THUMPD2: variants seen among roughly 807,000 people sequenced by gnomAD.
The protein encoded by THUMPD2 is U6 snRNA (guanine-N(2))-methyltransferase THUMPD2.
Under a neutral mutation model 49.4 loss-of-function variants are expected in THUMPD2, and 56 were observed. The ratio of observed to expected loss-of-function variants is 1.13; its 90% CI spans 0.91 to 1.41. The LOEUF is 1.41. Ranked by LOEUF, THUMPD2 falls within the 40% of genes most tolerant of loss-of-function variation. THUMPD2 has a pLI of 0.00. For synonymous variants in THUMPD2, 237 were observed against 205.2 expected (o/e 1.15, Z -1.32); for missense variants, 709 against 594.5 (o/e 1.19, Z -2.00).
At chr2:39,773,590 A>T (rs1334538521) in intron 1 of THUMPD2, among the ~76,000 whole-genome samples, 3 of 137,010 alleles carry the variant, frequency 2.2e-5, no homozygotes, top group Non-Finnish European at 4.6e-5. Flanking sequence ...AAAAATATAT[A>T]TATATTTATA....
chr2:39,745,829 A>C (rs1323277630), intron 8 of THUMPD2, among the ~76,000 whole-genome samples: 4 of 152,250 alleles, frequency 2.6e-5, no homozygotes, highest in Admixed American at 2.0e-4. Flanking sequence ...ATTTTTAAAA[A>C]AAATCTCCAG....
intron 4 of THUMPD2, among the ~76,000 whole-genome samples, chr2:39,767,497 G>C (rs1000981805): frequency 6.7e-6 from 1 of 148,584 alleles, no homozygotes; most frequent in African/African-American, 2.5e-5. Flanking sequence ...CCAGCTACTT[G>C]GGAGGCTGAG....
At chr2:39,739,417 T>C (rs1222076607) in intron 9 of THUMPD2, among the ~76,000 whole-genome samples, 3 of 152,198 alleles carry the variant, frequency 2.0e-5, no homozygotes, top group Non-Finnish European at 2.9e-5. Context: ...AATATCACTT[T>C]CCCAGAGAGG....
At position 39,770,426 on chromosome 2, in the gene THUMPD2, T is replaced by C. The variant is rs141082054; in HGVS notation, c.263-307A>G. ...TATATGTATCTCTTCAATATATACA[T>C]AGACCTAGAGTGTTTATCAATCTTT... is the stretch of plus-strand genomic sequence containing the variant. On this transcript the variant is annotated intron_variant, in intron 2 of 9. Coordinates refer to ENST00000505747, the MANE Select transcript of THUMPD2 (RefSeq NM_025264.5). Among the ~76,000 whole-genome samples, 1,082 of 152,234 alleles carry C rather than the reference T, an allele frequency of 7.1e-3. 13 individuals are homozygous for C. Among genetic ancestry groups the C allele is most frequent in the African/African-American group, 0.025 (1,050 of 41,546 alleles).
At chr2:39,766,964 T>C (rs765809963) in intron 4 of THUMPD2, among the ~76,000 whole-genome samples, 10 of 152,232 alleles carry the variant, frequency 6.6e-5, no homozygotes, top group Non-Finnish European at 1.5e-4. Context: ...TTGTTTTCTA[T>C]TGACAATTTA....
chr2:39,742,876 T>C (rs1488812361), intron 9 of THUMPD2, among the ~76,000 whole-genome samples: 1 of 152,182 alleles, frequency 6.6e-6, no homozygotes, highest in Non-Finnish European at 1.5e-5. Context: ...CCAAATCTGC[T>C]CAAGGTGAAT....
rs542552533 is a variant in THUMPD2, at chr2:39,769,225, A to T, written c.672+485T>A. ...TTAAGGAAATTTTTAGGCAGAAAGT[A>T]TAAGAAAGTCATTACTTGGAATGGC... On this transcript the variant is annotated intron_variant, in intron 3 of 9. Transcript: ENST00000505747. 8 of 483,176 alleles carry T rather than the reference A, an allele frequency of 1.7e-5. No individual in the cohort carries two copies. The Admixed American group carries it at 3.0e-4, about 18-fold the overall frequency. 29.9% of individuals were successfully genotyped at this position (483,176 alleles called of 1,614,324 possible).
intron 7 of THUMPD2, among the ~76,000 whole-genome samples, chr2:39,755,645 T>A (rs1390068478): frequency 6.6e-6 from 1 of 152,208 alleles, no homozygotes; most frequent in Non-Finnish European, 1.5e-5. Context: ...ATTTGAGGAT[T>A]AGTATAATCT....
intron 9 of THUMPD2, among the ~76,000 whole-genome samples, chr2:39,739,881 A>T (rs1205886567): frequency 6.6e-6 from 1 of 152,212 alleles, no homozygotes; most frequent in Non-Finnish European, 1.5e-5. Context: ...TTTTTGGGGC[A>T]ACAGTTTAGC....
chr2:39,753,828 T>A (rs1675745849), intron 8 of THUMPD2, among the ~76,000 whole-genome samples: 2 of 152,188 alleles, frequency 1.3e-5, no homozygotes, highest in South Asian at 4.1e-4. Flanking sequence ...CTTACCTGGA[T>A]TATAACTAGA....
At chr2:39,773,551 ATTT>A (rs1678621422) in intron 1 of THUMPD2, among the ~76,000 whole-genome samples, 3 of 127,996 alleles carry the variant, frequency 2.3e-5, no homozygotes, top group African/African-American at 9.2e-5. Context: ...ATATATTTAT[ATTT>A]AAAAATATAT....
Position 39,755,909 on chromosome 2 carries a change from C to T in THUMPD2, c.943G>A (p.Glu315Lys), listed in dbSNP as rs1005611109. Residue 315 changes from glutamate to lysine, a missense_variant, in exon 7 of 10, where the codon GAA becomes AAA. Transcript: ENST00000505747. ...PMCGLGTILL[E>K]AAKEWPDVYY... ...CTTACTGGCCATTCTTTAGCAGCTT[C>T]CAAAAGTATTGTTCCAAGTCCACAC... 1 of 1,613,692 alleles carries T rather than the reference C, an allele frequency of 6.2e-7. No homozygotes were observed. The highest frequency in any genetic ancestry group is 8.5e-7 in the Non-Finnish European group (1 of 1,179,872).
chr2:39,771,750 G>T, intron 1 of THUMPD2, 110 bp from the exon 2 acceptor site: 1 of 1,146,882 alleles, frequency 8.7e-7, no homozygotes, highest in Non-Finnish European at 1.2e-6. Context: ...CATTTCTGAA[G>T]TATCTACTAT....
chr2:39,757,421 C>G lies in THUMPD2; in HGVS notation c.892-1461G>C, dbSNP rs1451333538. ...AAGAGACAGAAGCCTTCCCCTGGTA[C>G]TAAATTTTAAAGAGAATATCACACA... is the stretch of plus-strand genomic sequence containing the variant. On this transcript the variant is annotated intron_variant, in intron 6 of 9. Coordinates refer to ENST00000505747, the MANE Select transcript of THUMPD2 (RefSeq NM_025264.5). 2.3e-6 allele frequency: 3 copies of G among 1,301,734 alleles called. No homozygotes were observed. In the East Asian group the frequency reaches 1.7e-4, roughly 72 times the overall value. The allele number at this position is 1,301,734 out of a possible 1,614,324, so 80.6% of individuals were successfully genotyped here.
chr2:39,736,889 G>A lies in THUMPD2; in HGVS notation c.1358C>T (p.Thr453Ile), dbSNP rs776838895. 4.6e-5 allele frequency: 75 copies of A among 1,614,198 alleles called. 1 individual carries two copies. The highest frequency in any genetic ancestry group is 4.0e-4 in the South Asian group (36 of 91,084). ...ACTGGCTTCGAATGAAGTTGACGCT[G>A]TCTTGAATGCACCAGTTTTTTCTTC... ...NPEEKTGAFK[T>I]ASTSFEASNH... Residue 453 changes from threonine (T) to isoleucine (I), a missense_variant, in exon 10 of 10, where the codon ACA becomes ATA. By Grantham distance (89) the Thr-to-Ile change is moderately conservative. Transcript: ENST00000505747.
At chr2:39,763,791 G>A (rs925201273) in intron 5 of THUMPD2, among the ~76,000 whole-genome samples, 2 of 151,984 alleles carry the variant, frequency 1.3e-5, no homozygotes, top group Non-Finnish European at 2.9e-5. Context: ...ATATTTACAA[G>A]GCACTTCATG....
Position 39,771,988 on chromosome 2 carries a change from C to T in THUMPD2, c.127-348G>A, listed in dbSNP as rs113399039. On this transcript the variant is annotated intron_variant, in intron 1 of 9. Coordinates refer to ENST00000505747, the MANE Select transcript of THUMPD2 (RefSeq NM_025264.5). The stretch of plus-strand genomic sequence containing the variant: ...ATAATAACAGACACACACTGACATA[C>T]ACATTAAAACATAAGATTTATAAGA... 7.9e-3 allele frequency among the ~76,000 whole-genome samples: 1,201 copies of T among 152,256 alleles called. 16 individuals carry two copies. Among genetic ancestry groups the T allele is most frequent in the African/African-American group, 0.028 (1,144 of 41,562 alleles).
In THUMPD2 at chr2:39,736,641, G is replaced by A; in HGVS notation, c.*94C>T. The A allele has an allele frequency of 1.7e-6, 2 of 1,175,822 alleles. No individual in the cohort carries two copies. Among genetic ancestry groups the A allele is most frequent in the Non-Finnish European group, 2.3e-6 (2 of 852,824 alleles). The allele number at this position is 1,175,822 out of a possible 1,614,324, so 72.8% of individuals were successfully genotyped here. ...CTTTGGGGGAATTTGGTTACTTGGA[G>A]CTCTGTGGGTGCTATATGAATCCTA... is the stretch of plus-strand genomic sequence containing the variant. On this transcript the variant is annotated 3_prime_UTR_variant, in exon 10 of 10. Coordinates refer to ENST00000505747, the MANE Select transcript of THUMPD2 (RefSeq NM_025264.5).
chr2:39,768,928 T>G, intron 3 of THUMPD2: 1 of 1,303,178 alleles, frequency 7.7e-7, no homozygotes, highest in Non-Finnish European at 1.0e-6. Context: ...ATTTTAAGGT[T>G]GATAAAGTAT....
Sources: gnomAD v4.1 joint callset for allele counts (sites outside exome capture counted in the v4.1 genomes callset) on GRCh38, gnomAD v4.1.1 for gene constraint, MANE v1.5 for transcripts, NCBI Gene and HGNC (gene_info 2026-07-23, HGNC 2026-07-21) for gene names.